SMARCC1: variants seen among roughly 807,000 people sequenced by gnomAD.
The protein encoded by SMARCC1 is SWI/SNF complex subunit SMARCC1.
SMARCC1 carries 43 observed loss-of-function variants against 147.4 expected under a neutral mutation model. The ratio of observed to expected loss-of-function variants is 0.29; its 90% confidence interval spans 0.23 to 0.38. SMARCC1 has a LOEUF of 0.38. Ranked by LOEUF, SMARCC1 falls within the 10% of genes least tolerant of loss-of-function variation. The pLI is 1.00. For synonymous variants in SMARCC1, 495 were observed against 484.4 expected, an observed-to-expected ratio of 1.02 and a Z score of -0.29; for missense variants, 1,119 against 1,381.1, an observed-to-expected ratio of 0.81 and a Z score of 3.01.
chr3:47,632,160 A>G (rs553015217), intron 24 of SMARCC1, among the ~76,000 whole-genome samples: 1 of 152,320 alleles, frequency 6.6e-6, no homozygotes, highest in South Asian at 2.1e-4. Flanking sequence ...GATCCATAAA[A>G]GTAGTTTCTC....
chr3:47,767,636 G>A (rs1383426424), intron 2 of SMARCC1, among the ~76,000 whole-genome samples: 14 of 141,872 alleles, frequency 9.9e-5, no homozygotes, highest in Non-Finnish European at 1.8e-4. Context: ...TTGGGAGGCC[G>A]AGGCGGGTGG....
intron 2 of SMARCC1, among the ~76,000 whole-genome samples, chr3:47,763,171 CT>C (rs987132482): frequency 7.9e-5 from 12 of 151,838 alleles, no homozygotes; most frequent in Admixed American, 5.9e-4. Flanking sequence ...TTCTTTTCCT[CT>C]TTTTTATTTT....
At position 47,745,926 on chromosome 3, in the gene SMARCC1, T is replaced by C; in HGVS notation, c.383A>G (p.Tyr128Cys). ...LCHILGAAYK[Y>C]KNEQGWRRFD... ...AACTTACCATCCCTGTTCATTTTTATACTTGTAAGCAGCCCCAAGAATGTG... is the reference window on the plus strand; with the variant it reads ...AACTTACCATCCCTGTTCATTTTTACACTTGTAAGCAGCCCCAAGAATGTG... Residue 128 changes from tyrosine (Y) to cysteine (C), a missense_variant, in exon 3 of 28, where the codon TAT (tyrosine) becomes TGT (cysteine). Physicochemically the swap from Tyr to Cys is radical, Grantham distance 194. This residue lies in a region of SMARCC1 where 542 missense variants were observed against 611.8 expected (regional missense o/e 0.89). Transcript: ENST00000254480. 6.4e-7 allele frequency: 1 copy of C among 1,571,930 alleles called. No homozygotes were observed. The highest frequency in any genetic ancestry group is 8.6e-7 in the Non-Finnish European group (1 of 1,165,360).
intron 3 of SMARCC1, among the ~76,000 whole-genome samples, chr3:47,743,959 C>G (rs1445855032): frequency 6.6e-6 from 1 of 151,890 alleles, no homozygotes; most frequent in Non-Finnish European, 1.5e-5. Context: ...AAACAAGAAC[C>G]AAGGACAGAA....
chr3:47,780,440 C>A (rs1298988439), intron 1 of SMARCC1, among the ~76,000 whole-genome samples: 1 of 151,866 alleles, frequency 6.6e-6, no homozygotes, highest in African/African-American at 2.4e-5. Flanking sequence ...AAGCCGCGCC[C>A]GGCCAGAAAT....
At chr3:47,758,671 C>A (rs1055610222) in intron 2 of SMARCC1, among the ~76,000 whole-genome samples, 36 of 152,084 alleles carry the variant, frequency 2.4e-4, no homozygotes, top group African/African-American at 8.5e-4. Context: ...AGCCTACAGG[C>A]CTAAAATATT....
In SMARCC1 at chr3:47,745,451, G is replaced by A. The variant is rs2034554586; in HGVS notation, c.401+457C>T. ...GTTGTGGCCGGGTGCGGTGGCTCAC[G>A]CCTGTAATCCCAGCACTTTGGGAGG... On this transcript the variant is annotated intron_variant, in intron 3 of 27. Transcript: ENST00000254480. Among the ~76,000 whole-genome samples, 3 of 152,164 alleles carry A rather than the reference G, an allele frequency of 2.0e-5. 1 individual carries two copies. Among genetic ancestry groups the A allele is most frequent in the South Asian group, 4.2e-4 (2 of 4,818 alleles).
chr3:47,655,290 T>A (rs2033246539), intron 21 of SMARCC1, among the ~76,000 whole-genome samples: 1 of 152,168 alleles, frequency 6.6e-6, no homozygotes, highest in Non-Finnish European at 1.5e-5. Flanking sequence ...TCTAGCTACT[T>A]GGGAAGCTTA....
At chr3:47,740,924 T>G (rs886145782) in intron 3 of SMARCC1, among the ~76,000 whole-genome samples, 4 of 151,568 alleles carry the variant, frequency 2.6e-5, no homozygotes, top group Non-Finnish European at 5.9e-5. Flanking sequence ...TGTAAAGTTG[T>G]AATGAAATGA....
chr3:47,608,671 C>T (rs552655417), intron 26 of SMARCC1, among the ~76,000 whole-genome samples: 1 of 151,634 alleles, frequency 6.6e-6, no homozygotes, highest in Non-Finnish European at 1.5e-5. Context: ...CAAGGCGAAA[C>T]CCTATCTTTA....
At chr3:47,737,880 T>A in intron 4 of SMARCC1, 149 bp downstream of exon 4, 1 of 373,178 alleles carries the variant, frequency 2.7e-6, no homozygotes, top group Non-Finnish European at 5.1e-6. Flanking sequence ...GCCAGGATGG[T>A]CTCGATCTCC....
chr3:47,737,551 A>C (rs2034457954), intron 4 of SMARCC1, among the ~76,000 whole-genome samples: 1 of 152,174 alleles, frequency 6.6e-6, no homozygotes, highest in South Asian at 2.1e-4. Context: ...AACACCCATA[A>C]AAATAATAAA....
chr3:47,689,242 GA>G, intron 13 of SMARCC1, 144 bp downstream of exon 13: 1 of 639,158 alleles, frequency 1.6e-6, no homozygotes, highest in Non-Finnish European at 2.8e-6. Flanking sequence ...TTCCTTAGGG[GA>G]AAAACTAAAA....
At chr3:47,678,367 T>C in intron 15 of SMARCC1, 56 bp from the exon 16 acceptor site, 2 of 785,494 alleles carry the variant, frequency 2.5e-6, no homozygotes, top group Non-Finnish European at 4.0e-6. Context: ...AGAAACAATG[T>C]TACTTAGAAA....
intron 24 of SMARCC1, among the ~76,000 whole-genome samples, chr3:47,623,387 C>G (rs1027293066): frequency 3.3e-5 from 5 of 152,072 alleles, no homozygotes; most frequent in Admixed American, 3.3e-4. Flanking sequence ...TAGGAGCAAC[C>G]ATGCAACTTA....
At chr3:47,657,685 G>A (rs1293726031) in intron 21 of SMARCC1, among the ~76,000 whole-genome samples, 1 of 151,912 alleles carries the variant, frequency 6.6e-6, no homozygotes, top group African/African-American at 2.4e-5. Context: ...GTGGTGGCGG[G>A]TGCCTGTAAT....
chr3:47,780,913 G>T (rs985784504), intron 1 of SMARCC1, among the ~76,000 whole-genome samples: 3 of 151,908 alleles, frequency 2.0e-5, no homozygotes, highest in Non-Finnish European at 4.4e-5. Flanking sequence ...CCGTTCCAAA[G>T]GTAGGAGAAA....
intron 21 of SMARCC1, among the ~76,000 whole-genome samples, chr3:47,646,340 T>C (rs2106716369): frequency 6.6e-6 from 1 of 152,322 alleles, no homozygotes; most frequent in Admixed American, 6.5e-5. Context: ...CTGCAGCCTC[T>C]CCATGTATCT....
chr3:47,750,384 G>A (rs888286857), intron 2 of SMARCC1, among the ~76,000 whole-genome samples: 9 of 152,020 alleles, frequency 5.9e-5, no homozygotes, highest in Non-Finnish European at 1.2e-4. Context: ...GCAGTGAGCC[G>A]GGATCGCGCC....
Sources: gnomAD v4.1 joint callset for allele counts (sites outside exome capture counted in the v4.1 genomes callset) on GRCh38, gnomAD v4.1.1 for gene constraint, gnomAD v4.1.1 regional missense constraint, MANE v1.5 for transcripts, NCBI Gene and HGNC (gene_info 2026-07-23, HGNC 2026-07-21) for gene names.